The following ASIC2 variants were observed in gnomAD, a reference collection of about 807,000 sequenced individuals.
ASIC2 encodes the protein acid sensing ion channel subunit 2.
Under a neutral mutation model 57.3 loss-of-function variants are expected in ASIC2, and 25 were observed. The ratio of observed to expected loss-of-function variants is 0.44; its 90% CI spans 0.32 to 0.61. The LOEUF (loss-of-function observed/expected upper bound fraction) is 0.61, where lower values mean the gene tolerates loss of function less well. Among genes scored for constraint, ASIC2 ranks in the 20% least tolerant of loss-of-function variants. The pLI is 0.06. For missense variants in ASIC2, 641 were observed against 738.1 expected, an observed-to-expected ratio of 0.87 and a Z score of 1.52; for synonymous variants, 319 against 307.5, an observed-to-expected ratio of 1.04 and a Z score of -0.39.
intron 1 of ASIC2, among the ~76,000 whole-genome samples, chr17:33,159,063 G>C (rs1209554645): frequency 3.3e-5 from 5 of 152,236 alleles, no homozygotes; most frequent in Non-Finnish European, 7.3e-5. Context: ...ACCAGCGAGA[G>C]CATTGGCAGT....
At chr17:33,835,573 A>G (rs1913249283) in intron 1 of ASIC2, among the ~76,000 whole-genome samples, 1 of 152,198 alleles carries the variant, frequency 6.6e-6, no homozygotes, top group South Asian at 2.1e-4. Flanking sequence ...CTCTGGGTTC[A>G]GAGAAGACAA....
intron 1 of ASIC2, among the ~76,000 whole-genome samples, chr17:33,426,930 T>C (rs780240270): frequency 3.3e-5 from 5 of 152,208 alleles, no homozygotes; most frequent in Non-Finnish European, 7.3e-5. Flanking sequence ...AAGCGACTTA[T>C]AGCTGATACC....
intron 1 of ASIC2, among the ~76,000 whole-genome samples, chr17:33,237,589 C>T (rs1410413314): frequency 6.6e-6 from 1 of 152,132 alleles, no homozygotes; most frequent in Non-Finnish European, 1.5e-5. Flanking sequence ...ACCTCGGCCT[C>T]CCAAAGTGCT....
chr17:33,530,101 G>GT (rs1299405112), intron 1 of ASIC2: 3 of 152,266 alleles, frequency 2.0e-5, no homozygotes, highest in Non-Finnish European at 2.9e-5. Context: ...GAGGCCGGGG[G>GT]TCACGTGCCT....
intron 1 of ASIC2, among the ~76,000 whole-genome samples, chr17:33,339,940 C>G (rs1012608329): frequency 2.0e-5 from 3 of 152,192 alleles, no homozygotes; most frequent in Non-Finnish European, 4.4e-5. Context: ...AGTCACCTCC[C>G]ACACACCCCT....
intron 1 of ASIC2, among the ~76,000 whole-genome samples, chr17:33,553,784 T>G (rs1289607374): frequency 6.6e-6 from 1 of 152,192 alleles, no homozygotes; most frequent in African/African-American, 2.4e-5. Flanking sequence ...TTATACCTAT[T>G]TTGGTGATGG....
At chr17:34,036,518 A>G (rs1388104721) in intron 1 of ASIC2, among the ~76,000 whole-genome samples, 1 of 151,186 alleles carries the variant, frequency 6.6e-6, no homozygotes, top group African/African-American at 2.4e-5. Flanking sequence ...AACTTAAAGT[A>G]TAATAATAAT....
chr17:33,831,583 T>TAAAAAAAAA (rs11314344), intron 1 of ASIC2, among the ~76,000 whole-genome samples: 1 of 142,662 alleles, frequency 7.0e-6, no homozygotes. Context: ...TGATCTGAAG[T>TAAAAAAAAA]AAAAAAAAAA....
chr17:34,012,641 C>A (rs1432838832), intron 1 of ASIC2, among the ~76,000 whole-genome samples: 1 of 152,108 alleles, frequency 6.6e-6, no homozygotes, highest in Non-Finnish European at 1.5e-5. Flanking sequence ...CAGTATAACC[C>A]TCATGCGGCC....
intron 1 of ASIC2, chr17:34,004,923 C>G (rs1906473446): frequency 6.6e-6 from 1 of 152,110 alleles, no homozygotes; most frequent in African/African-American, 2.4e-5. Flanking sequence ...TGCATTTCAC[C>G]TTCCTGCCAT....
At chr17:33,461,858 G>A (rs1912647542) in intron 1 of ASIC2, among the ~76,000 whole-genome samples, 1 of 152,128 alleles carries the variant, frequency 6.6e-6, no homozygotes, top group South Asian at 2.1e-4. Flanking sequence ...CCTTGAGGCT[G>A]TACCAGGTAT....
intron 1 of ASIC2, among the ~76,000 whole-genome samples, chr17:34,090,774 C>A (rs1910304629): frequency 6.6e-6 from 1 of 152,216 alleles, no homozygotes; most frequent in Non-Finnish European, 1.5e-5. Context: ...AAGTACTCAG[C>A]CAGAGAGACT....
intron 1 of ASIC2, among the ~76,000 whole-genome samples, chr17:33,156,356 G>A (rs146216783): frequency 0.024 from 3,583 of 151,950 alleles, 165 homozygotes; most frequent in African/African-American, 0.083. Flanking sequence ...TTGAACTCCT[G>A]ACCCTGTAAT....
At chr17:34,046,677 G>A (rs1286019030) in intron 1 of ASIC2, among the ~76,000 whole-genome samples, 1 of 152,168 alleles carries the variant, frequency 6.6e-6, no homozygotes, top group Non-Finnish European at 1.5e-5. Context: ...CCATGGAAAC[G>A]AATGGCTTTG....
intron 1 of ASIC2, among the ~76,000 whole-genome samples, chr17:33,372,209 G>A (rs1909096083): frequency 6.6e-6 from 1 of 152,000 alleles, no homozygotes; most frequent in South Asian, 2.1e-4. Flanking sequence ...GGGGATCAGG[G>A]TGTGGGAAGT....
rs55987676 is a variant in ASIC2 at position 33,369,119 on chromosome 17, T to G, written c.556-257052A>C. On this transcript the variant is annotated intron_variant, in intron 1 of 9. Coordinates refer to the ASIC2 transcript ENST00000359872. ...CAAATGCAAAAAGATCCCAGAAAACTAAAATATCAAAGGGCAGTGAGTGTT... is the reference window on the plus strand; with the variant it reads ...CAAATGCAAAAAGATCCCAGAAAACGAAAATATCAAAGGGCAGTGAGTGTT... Among the ~76,000 whole-genome samples, 1,163 of 152,216 alleles carry G rather than the reference T, an allele frequency of 7.6e-3. 18 individuals carry two copies. Among genetic ancestry groups the G allele is most frequent in the African/African-American group, 0.026 (1,060 of 41,536 alleles).
chr17:33,014,159 G>T, intron 9 of ASIC2, 93 bp from the exon 10 acceptor site: 1 of 976,816 alleles, frequency 1.0e-6, no homozygotes, highest in Non-Finnish European at 1.6e-6. Context: ...TGGGGAAGGT[G>T]CTCCCCACTT....
At chr17:33,419,162 A>T (rs1471180124) in intron 1 of ASIC2, among the ~76,000 whole-genome samples, 1 of 152,258 alleles carries the variant, frequency 6.6e-6, no homozygotes, top group African/African-American at 2.4e-5. Flanking sequence ...TGGCAGAGAC[A>T]GATGGGGAAG....
At chr17:33,054,758 T>C (rs1446581725) in intron 3 of ASIC2, among the ~76,000 whole-genome samples, 1 of 152,206 alleles carries the variant, frequency 6.6e-6, no homozygotes, top group African/African-American at 2.4e-5. Flanking sequence ...ATATAAAAAC[T>C]GGGGTAAGAT....
Sources: allele counts gnomAD v4.1 joint callset (sites outside exome capture counted in the v4.1 genomes callset), GRCh38; gene constraint gnomAD v4.1.1; transcripts MANE v1.5; gene names NCBI Gene and HGNC (gene_info 2026-07-23, HGNC 2026-07-21).